Variants in GARS1 observed in about 807,000 individuals in gnomAD.
GARS1 encodes the protein glycine--tRNA ligase.
In GARS1, 46 loss-of-function variants were observed where a neutral mutation model predicts 86.4. The ratio of observed to expected loss-of-function variants is 0.53; its 90% CI spans 0.42 to 0.68. The LOEUF (loss-of-function observed/expected upper bound fraction) is 0.68, where lower values mean the gene tolerates loss of function less well. Among genes scored for constraint, GARS1 ranks in the 30% least tolerant of loss-of-function variants. The pLI, the probability that GARS1 is intolerant of heterozygous loss-of-function variation, is 0.00. For synonymous variants in GARS1, 342 were observed against 329.8 expected (o/e 1.04, Z -0.40); for missense variants, 797 against 915.6 (o/e 0.87, Z 1.67).
At chr7:30,622,654 T>G (rs1783039040) in intron 12 of GARS1, 192 bp downstream of exon 12, 1 of 616,584 alleles carries the variant, frequency 1.6e-6, no homozygotes, top group Non-Finnish European at 2.8e-6. Flanking sequence ...AATATACTTT[T>G]TTTTTTTCCT....
chr7:30,611,135 G>A (rs1298465677), intron 7 of GARS1, among the ~76,000 whole-genome samples: 2 of 152,162 alleles, frequency 1.3e-5, no homozygotes, highest in African/African-American at 4.8e-5. Context: ...GAAATTGAGA[G>A]GGCAGTGGTT....
chr7:30,621,145 C>A (rs1329539529), intron 10 of GARS1, among the ~76,000 whole-genome samples: 1 of 151,332 alleles, frequency 6.6e-6, no homozygotes, highest in Non-Finnish European at 1.5e-5. Context: ...ACCTCAGCGT[C>A]CCAAGTACCT....
chr7:30,628,599 G>A lies in GARS1; in HGVS notation c.1739G>A (p.Gly580Asp). 6.2e-7 allele frequency: 1 copy of A among 1,613,082 alleles called. No individual in the cohort carries two copies. Among genetic ancestry groups the A allele is most frequent in the Non-Finnish European group, 8.5e-7 (1 of 1,179,162 alleles). ...CCGAATGTAATTGAACCTTCCTTCG[G>A]CCTGGGTAGGATCATGTATACGGTA... ...VVPNVIEPSF[G>D]LGRIMYTVFE... The change falls in exon 14 of 17, where the codon GGC becomes GAC. Residue 580 changes from glycine (G) to aspartate (D), a missense_variant. Gly to Asp is a moderately conservative substitution (Grantham distance 94). This residue lies in a region of GARS1 where 598 missense variants were observed against 738.7 expected (regional missense o/e 0.81). Coordinates refer to ENST00000389266, the MANE Select transcript of GARS1 (RefSeq NM_002047.4).
At position 30,609,652 on chromosome 7, in the gene GARS1, C is replaced by T. The variant is rs2230310; in HGVS notation, c.803C>T (p.Thr268Ile). ...AACTATAATGTAAAATCTCCCATTA[C>T]TGGAAATGATCTATCCCCTCCAGTG... ...FVNYNVKSPI[T>I]GNDLSPPVSF... The change falls in exon 7 of 17, where the codon ACT becomes ATT. Residue 268 changes from threonine to isoleucine, a missense_variant. By Grantham distance (89) the Thr-to-Ile change is moderately conservative. This residue lies in a region of GARS1 where 598 missense variants were observed against 738.7 expected (regional missense o/e 0.81). Transcript: ENST00000389266. 6,341 of 1,613,140 alleles carry T rather than the reference C, an allele frequency of 3.9e-3. 21 individuals are homozygous for T. Among genetic ancestry groups the T allele is most frequent in the Middle Eastern group, 7.6e-3 (46 of 6,058 alleles).
chr7:30,619,977 G>A (rs921909199), intron 10 of GARS1, among the ~76,000 whole-genome samples: 2 of 151,600 alleles, frequency 1.3e-5, no homozygotes, highest in African/African-American at 2.4e-5. Context: ...GGATTTCTCC[G>A]TGTTAGCCAG....
chr7:30,607,235 T>C (rs1478598821), intron 6 of GARS1, among the ~76,000 whole-genome samples: 1 of 152,242 alleles, frequency 6.6e-6, no homozygotes, highest in Non-Finnish European at 1.5e-5. Flanking sequence ...GTATTCAGGG[T>C]TTCCTTTTTA....
intron 14 of GARS1, chr7:30,631,201 G>A: frequency 2.5e-6 from 1 of 400,584 alleles, no homozygotes; most frequent in South Asian, 2.2e-5. Flanking sequence ...CTGCTTTTTA[G>A]GTGGAGAAAC....
At chr7:30,625,062 C>T (rs150999839) in intron 12 of GARS1, among the ~76,000 whole-genome samples, 2,599 of 152,244 alleles carry the variant, frequency 0.017, 69 homozygotes, top group African/African-American at 0.06. Flanking sequence ...CCTGCCTCAG[C>T]CTCCCGAGTA....
chr7:30,622,587 A>G (rs908948238), intron 12 of GARS1, 125 bp downstream of exon 12: 3 of 1,116,468 alleles, frequency 2.7e-6, no homozygotes, highest in Non-Finnish European at 4.1e-6. Context: ...GGCTGCATTT[A>G]AAAGACTGTC....
At chr7:30,597,821 T>G (rs1177323856) in intron 1 of GARS1, among the ~76,000 whole-genome samples, 1 of 152,202 alleles carries the variant, frequency 6.6e-6, no homozygotes, top group South Asian at 2.1e-4. Context: ...AATTAGAAAC[T>G]CTGTTGGGTG....
chr7:30,598,830 C>T lies in GARS1; in HGVS notation c.257C>T (p.Ala86Val), dbSNP rs1163975688. 4 of 1,614,132 alleles carry T rather than the reference C, an allele frequency of 2.5e-6. No homozygotes were observed. In the African/African-American group the frequency reaches 4.0e-5, roughly 16 times the overall value. The change falls in exon 2 of 17, where the codon GCA becomes GTA. Residue 86 changes from alanine to valine, a missense_variant. Ala to Val is a moderately conservative substitution (Grantham distance 64, BLOSUM62 0). Transcript: ENST00000389266. ...GTGCGAAAACTCAAAGAAGATAAAG[C>T]ACCCCAAGTAGACGTAGACAAAGCA... ...DLVRKLKEDK[A>V]PQVDVDKAVA...
intron 1 of GARS1, among the ~76,000 whole-genome samples, chr7:30,595,410 C>T (rs1283785048): frequency 6.6e-6 from 1 of 152,200 alleles, no homozygotes; most frequent in African/African-American, 2.4e-5. Flanking sequence ...TCTCCGGCTC[C>T]GTTCTCCCTT....
At chr7:30,631,666 G>A in intron 15 of GARS1, 125 bp downstream of exon 15, 1 of 724,434 alleles carries the variant, frequency 1.4e-6, no homozygotes, top group Non-Finnish European at 2.4e-6. Context: ...TTTATAAAGA[G>A]TACATGATTT....
At chr7:30,609,106 T>C (rs923215159) in intron 6 of GARS1, among the ~76,000 whole-genome samples, 5 of 152,206 alleles carry the variant, frequency 3.3e-5, no homozygotes, top group African/African-American at 1.2e-4. Flanking sequence ...AGGCGCTTAA[T>C]ATCTAATGGG....
chr7:30,613,463 C>G (rs1296548808), intron 8 of GARS1, among the ~76,000 whole-genome samples: 1 of 152,208 alleles, frequency 6.6e-6, no homozygotes, highest in African/African-American at 2.4e-5. Context: ...CCTTCCCAAA[C>G]TGAGGAAGCT....
chr7:30,630,575 A>G (rs935656189), intron 14 of GARS1, among the ~76,000 whole-genome samples: 3 of 149,326 alleles, frequency 2.0e-5, no homozygotes, highest in Non-Finnish European at 3.0e-5. Flanking sequence ...CAGTGGCACA[A>G]TCTCAGCTGA....
chr7:30,628,460 C>T, intron 13 of GARS1, 100 bp from the exon 14 acceptor site: 1 of 852,646 alleles, frequency 1.2e-6, no homozygotes, highest in Non-Finnish European at 2.0e-6. Flanking sequence ...GCTGGGATTA[C>T]AGGTGTGAGC....
chr7:30,600,200 A>T, intron 3 of GARS1, 151 bp downstream of exon 3: 1 of 666,230 alleles, frequency 1.5e-6, no homozygotes, highest in Non-Finnish European at 2.7e-6. Flanking sequence ...TGGAGTCACC[A>T]TTTGGTGTGA....
At position 30,612,289 on chromosome 7, in the gene GARS1, A is replaced by G. The variant is rs747638052; in HGVS notation, c.1031+44A>G. The G allele has an allele frequency of 4.5e-6, 7 of 1,572,912 alleles. No homozygotes were observed. The African/African-American group carries it at 5.4e-5, about 12-fold the overall frequency. On this transcript the variant is annotated intron_variant, in intron 8 of 16. Transcript: ENST00000389266. ...TTACAAATTAGTGAATGACCTTGGC[A>G]TTGCATTGAAAATGAAAGCTTGCTG... is the stretch of plus-strand genomic sequence containing the variant.
Sources: gnomAD v4.1 joint callset for allele counts (sites outside exome capture counted in the v4.1 genomes callset) on GRCh38, gnomAD v4.1.1 for gene constraint, gnomAD v4.1.1 regional missense constraint, MANE v1.5 for transcripts, NCBI Gene and HGNC (gene_info 2026-07-23, HGNC 2026-07-21) for gene names.